ZSCAN1: variants seen among roughly 807,000 people sequenced by gnomAD.
The protein encoded by ZSCAN1 is zinc finger and SCAN domain-containing protein 1.
A neutral mutation model predicts 23.8 loss-of-function variants in ZSCAN1; 23 were observed. The ratio of observed to expected loss-of-function variants is 0.97; its 90% CI spans 0.70 to 1.37. ZSCAN1 has a LOEUF of 1.37. Ranked by LOEUF, ZSCAN1 falls within the 40% of genes most tolerant of loss-of-function variation. The probability of loss-of-function intolerance (pLI) is 0.00; values close to 1 mark genes in which losing one functional copy is unlikely to be tolerated. For missense variants in ZSCAN1, 575 were observed against 554.0 expected (o/e 1.04, Z -0.38); for synonymous variants, 236 against 232.3 (o/e 1.02, Z -0.15).
intron 4 of ZSCAN1, among the ~76,000 whole-genome samples, chr19:58,051,923 C>A (rs2073860474): frequency 6.6e-6 from 1 of 152,228 alleles, no homozygotes; most frequent in African/African-American, 2.4e-5. Flanking sequence ...CAGTCTCCTC[C>A]CAGGAAGTGG....
Position 58,045,477 on chromosome 19 carries a change from A to AG in ZSCAN1, c.465+4935dup. 1 of 1,292,464 alleles carries AG rather than the reference A, an allele frequency of 7.7e-7. No individual in the cohort carries two copies. Among genetic ancestry groups the AG allele is most frequent in the South Asian group, 1.2e-5 (1 of 84,830 alleles). 80.1% of individuals were successfully genotyped at this position (1,292,464 alleles called of 1,614,324 possible). A position where few individuals can be genotyped will look rare whatever the true frequency, so the allele number is the denominator to read the frequency against. On this transcript the variant is annotated intron_variant, in intron 4 of 5. Transcript: ENST00000282326. The surrounding 1 kb of genome is among the most constrained non-coding windows in gnomAD (Gnocchi z 4.3). ...CCAGAAGATCCGGGAGACGGGGGAG[A>AG]GGCCCAGCAATGAGGAAATCATGGG... is the stretch of plus-strand genomic sequence containing the variant.
intron 4 of ZSCAN1, among the ~76,000 whole-genome samples, chr19:58,051,484 TCCTCCGTCTCTAG>T (rs2073858496): frequency 8.5e-6 from 1 of 117,032 alleles, no homozygotes; most frequent in Admixed American, 9.2e-5. Flanking sequence ...CCTCCCTCCC[TCCTCCGTCTCTAG>T]CCCAGCAATC....
chr19:58,039,638 G>A (rs770875695), intron 3 of ZSCAN1, among the ~76,000 whole-genome samples: 1 of 152,096 alleles, frequency 6.6e-6, no homozygotes, highest in African/African-American at 2.4e-5. Context: ...GTGGTGGCGC[G>A]TGCCTATATT....
intron 4 of ZSCAN1, among the ~76,000 whole-genome samples, chr19:58,041,483 C>T (rs1012273076): frequency 6.6e-6 from 1 of 152,366 alleles, no homozygotes; most frequent in Non-Finnish European, 1.5e-5. Context: ...AGGAGATGTT[C>T]TAGGCCCAGG....
At position 58,048,549 on chromosome 19, in the gene ZSCAN1, G is replaced by A. The variant is rs559415113; in HGVS notation, c.466-3941G>A. Among the ~76,000 whole-genome samples, 265 of 152,172 alleles carry A rather than the reference G, an allele frequency of 1.7e-3. 1 individual carries two copies. Among genetic ancestry groups the A allele is most frequent in the African/African-American group, 5.9e-3 (244 of 41,526 alleles). ...GGCTGGAGTGCCGTGGCATGATCTC[G>A]GCTCACTGCAACCTCCACCTCCTGG... On this transcript the variant is annotated intron_variant, in intron 4 of 5. Transcript: ENST00000282326.
In ZSCAN1 at chr19:58,045,899, C is replaced by T. The variant is rs926015052; in HGVS notation, c.465+5355C>T. ...CTGCAGACTCTCCCAGAGATTGTGG[C>T]AAAGGAAGCACAGGTGAAAGTGGCC... On this transcript the variant is annotated intron_variant, in intron 4 of 5. Transcript: ENST00000282326. The surrounding 1 kb of genome is among the most constrained non-coding windows in gnomAD (Gnocchi z 4.3). 3.7e-5 allele frequency: 37 copies of T among 1,010,090 alleles called. No individual in the cohort carries two copies. Among genetic ancestry groups the T allele is most frequent in the Non-Finnish European group, 5.4e-5 (34 of 630,974 alleles). The allele number at this position is 1,010,090 out of a possible 1,614,324, so 62.6% of individuals were successfully genotyped here.
In ZSCAN1 at chr19:58,049,812, T is replaced by C. The variant is rs779330438; in HGVS notation, c.466-2678T>C. Reference sequence around the variant, plus strand: ...CTGGTGGTTCCCACCGCGTAGCTGATACTCGTGGCCCCTGCTTTTCTTCTT... The same window carrying C: ...CTGGTGGTTCCCACCGCGTAGCTGACACTCGTGGCCCCTGCTTTTCTTCTT... On this transcript the variant is annotated intron_variant, in intron 4 of 5. Transcript: ENST00000282326. The surrounding 1 kb of genome is among the most constrained non-coding windows in gnomAD (Gnocchi z 4.5). 2.4e-4 allele frequency among the ~76,000 whole-genome samples: 37 copies of C among 152,232 alleles called. No individual in the cohort carries two copies. Among genetic ancestry groups the C allele is most frequent in the Non-Finnish European group, 5.0e-4 (34 of 68,040 alleles).
chr19:58,037,834 G>T lies in ZSCAN1; in HGVS notation c.-3G>T. The T allele has an allele frequency of 6.8e-7, 1 of 1,475,048 alleles. No individual in the cohort carries two copies. The highest frequency in any genetic ancestry group is 9.0e-7 in the Non-Finnish European group (1 of 1,114,390). 91.4% of individuals were successfully genotyped at this position (1,475,048 alleles called of 1,614,324 possible). On this transcript the variant is annotated 5_prime_UTR_variant, in exon 3 of 6. Coordinates refer to ENST00000282326, the MANE Select transcript of ZSCAN1 (RefSeq NM_182572.4). ...CCCTCAGAGGGGCACTGTGGCCAGA[G>T]AAATGCTTCCACGGCCCAAAGCCCC...
rs2073817622 is a variant in ZSCAN1 at position 58,045,248 on chromosome 19, G to T, written c.465+4704G>T. 1 of 801,204 alleles carries T rather than the reference G, an allele frequency of 1.2e-6. No homozygotes were observed. The highest frequency in any genetic ancestry group is 2.3e-6 in the Non-Finnish European group (1 of 438,158). The allele number at this position is 801,204 out of a possible 1,614,324, so 49.6% of individuals were successfully genotyped here. On this transcript the variant is annotated intron_variant, in intron 4 of 5. Coordinates refer to ENST00000282326, the MANE Select transcript of ZSCAN1 (RefSeq NM_182572.4). The surrounding 1 kb of genome is among the most constrained non-coding windows in gnomAD (Gnocchi z 4.3). ...TCCTGTTCGTGGTGGTGCCGTTCGT[G>T]GAGTTTCTGCTGCCTGTTGCTGTGA...
At chr19:58,043,053 C>G (rs2073801138) in intron 4 of ZSCAN1, among the ~76,000 whole-genome samples, 1 of 152,270 alleles carries the variant, frequency 6.6e-6, no homozygotes, top group Non-Finnish European at 1.5e-5. Flanking sequence ...GGCATTGCCG[C>G]TGCCAGGGTG....
Position 58,046,599 on chromosome 19 carries a change from G to A in ZSCAN1, c.466-5891G>A, listed in dbSNP as rs78865449. 36 of 838,828 alleles carry A rather than the reference G, an allele frequency of 4.3e-5. No homozygotes were observed. In the African/African-American group the frequency reaches 5.3e-4, roughly 12 times the overall value. The allele number at this position is 838,828 out of a possible 1,614,324, so 52.0% of individuals were successfully genotyped here. A position where few individuals can be genotyped will look rare whatever the true frequency, so the allele number is the denominator to read the frequency against. On this transcript the variant is annotated intron_variant, in intron 4 of 5. Transcript: ENST00000282326. The stretch of plus-strand genomic sequence containing the variant: ...TGGCCGCAGCACTGAATGAAAATAA[G>A]GATGGCAAGGTCAACGTCGACCACC...
chr19:58,034,818 G>C (rs1361157298), intron 1 of ZSCAN1, among the ~76,000 whole-genome samples: 3 of 146,980 alleles, frequency 2.0e-5, no homozygotes, highest in African/African-American at 7.6e-5. Context: ...TTCCCAGTGC[G>C]CTGCCCTTGC....
At chr19:58,038,242 AG>A in intron 3 of ZSCAN1, 36 bp downstream of exon 3, 7 of 1,571,434 alleles carry the variant, frequency 4.5e-6, no homozygotes, top group Non-Finnish European at 3.4e-6. Context: ...GGGCCGGGCC[AG>A]GGGGCCTGAC....
At chr19:58,051,137 C>A (rs1306897279) in intron 4 of ZSCAN1, among the ~76,000 whole-genome samples, 1 of 152,134 alleles carries the variant, frequency 6.6e-6, no homozygotes, top group East Asian at 1.9e-4. Flanking sequence ...TCCACACATA[C>A]ATGCCACCCA....
Position 58,045,397 on chromosome 19 carries a change from C to T in ZSCAN1, c.465+4853C>T. On this transcript the variant is annotated intron_variant, in intron 4 of 5. Coordinates refer to ENST00000282326, the MANE Select transcript of ZSCAN1 (RefSeq NM_182572.4). The surrounding 1 kb of genome is among the most constrained non-coding windows in gnomAD (Gnocchi z 4.3). ...CTCCAGGACACCATCCAGGAGATGG[C>T]CTTGAAGAACGAGGCAGCCAAGGGC... is the stretch of plus-strand genomic sequence containing the variant. The T allele has an allele frequency of 1.1e-6, 1 of 937,140 alleles. No individual in the cohort carries two copies. The highest frequency in any genetic ancestry group is 1.8e-6 in the Non-Finnish European group (1 of 561,496). The allele number at this position is 937,140 out of a possible 1,614,324, so 58.1% of individuals were successfully genotyped here. A position where few individuals can be genotyped will look rare whatever the true frequency, so the allele number is the denominator to read the frequency against.
At chr19:58,044,701 G>C in intron 4 of ZSCAN1, 1 of 767,576 alleles carries the variant, frequency 1.3e-6, no homozygotes, top group Non-Finnish European at 2.3e-6. Context: ...ATCTCAGCTT[G>C]CCAGCACCCT....
At position 58,045,171 on chromosome 19, in the gene ZSCAN1, C is replaced by T. The variant is rs2073817019; in HGVS notation, c.465+4627C>T. On this transcript the variant is annotated intron_variant, in intron 4 of 5. Transcript: ENST00000282326. The surrounding 1 kb of genome is among the most constrained non-coding windows in gnomAD (Gnocchi z 4.3). ...CTGCCACACCCTGACCCGCCAGGCG[C>T]GCAGGCAGTTGCTCCGGTTCTGTGC... The T allele has an allele frequency of 1.4e-5, 15 of 1,036,648 alleles. No homozygotes were observed. Among genetic ancestry groups the T allele is most frequent in the Non-Finnish European group, 2.0e-5 (13 of 656,524 alleles). The allele number at this position is 1,036,648 out of a possible 1,614,324, so 64.2% of individuals were successfully genotyped here.
At chr19:58,036,562 C>A (rs2073738948) in intron 2 of ZSCAN1, among the ~76,000 whole-genome samples, 1 of 134,790 alleles carries the variant, frequency 7.4e-6, no homozygotes, top group Non-Finnish European at 1.5e-5. Context: ...GTCGCTCAGG[C>A]TGGAGTGCAG....
At chr19:58,035,558 G>C (rs1355453093) in intron 1 of ZSCAN1, 1 of 152,238 alleles carries the variant, frequency 6.6e-6, no homozygotes, top group Non-Finnish European at 1.5e-5. Flanking sequence ...AGGGCAAAGG[G>C]ATTTCTTGAA....
Sources: allele counts gnomAD v4.1 joint callset (sites outside exome capture counted in the v4.1 genomes callset), GRCh38; gene constraint gnomAD v4.1.1; non-coding constraint Gnocchi (gnomAD v3.1); transcripts MANE v1.5; gene names NCBI Gene and HGNC (gene_info 2026-07-23, HGNC 2026-07-21).